The following ADAM7 variants were observed in gnomAD, a reference collection of about 807,000 sequenced individuals.
The protein encoded by ADAM7 is ADAM metallopeptidase domain 7.
In ADAM7, 97 loss-of-function variants were observed where a neutral mutation model predicts 102.9. The ratio of observed to expected loss-of-function variants is 0.94; its 90% confidence interval spans 0.80 to 1.12. The LOEUF (loss-of-function observed/expected upper bound fraction) is 1.12, where lower values mean the gene tolerates loss of function less well. Among genes scored for constraint, ADAM7 ranks in the 50% most tolerant of loss-of-function variants. The probability of loss-of-function intolerance (pLI) is 0.00; values close to 1 mark genes in which losing one functional copy is unlikely to be tolerated. For missense variants in ADAM7, 991 were observed against 908.7 expected (o/e 1.09, Z -1.16); for synonymous variants, 334 against 304.4 (o/e 1.10, Z -1.01).
chr8:24,445,847 T>C (rs1402021687), intron 2 of ADAM7, among the ~76,000 whole-genome samples: 1 of 152,202 alleles, frequency 6.6e-6, no homozygotes, highest in Non-Finnish European at 1.5e-5. Flanking sequence ...CCTCTGTCTG[T>C]TCTTCAAATG....
At chr8:24,482,340 C>A (rs147421261) in intron 9 of ADAM7, 29 bp downstream of exon 9, 3 of 1,571,142 alleles carry the variant, frequency 1.9e-6, no homozygotes, top group African/African-American at 2.8e-5. Flanking sequence ...TTCTTGCATA[C>A]CTTTGGTGGA....
chr8:24,495,746 G>A (rs777315300), intron 16 of ADAM7, among the ~76,000 whole-genome samples: 14 of 152,162 alleles, frequency 9.2e-5, no homozygotes, highest in Non-Finnish European at 2.1e-4. Flanking sequence ...AGGGTATCTG[G>A]TGGAAGAAAT....
intron 3 of ADAM7, among the ~76,000 whole-genome samples, chr8:24,457,863 A>T (rs1907753): frequency 0.21 from 31,046 of 148,030 alleles, 3,845 homozygotes; most frequent in Middle Eastern, 0.35. Context: ...TATGTGTGTG[A>T]GTGTGTGTGT....
At chr8:24,473,094 A>G (rs943058992) in intron 7 of ADAM7, among the ~76,000 whole-genome samples, 2 of 152,170 alleles carry the variant, frequency 1.3e-5, no homozygotes, top group Non-Finnish European at 2.9e-5. Flanking sequence ...AGACACCAGG[A>G]GCCTCAGATT....
chr8:24,479,469 T>A (rs144156559), intron 8 of ADAM7, among the ~76,000 whole-genome samples: 343 of 152,274 alleles, frequency 2.3e-3, no homozygotes, highest in African/African-American at 7.2e-3. Context: ...AGTTTAAAGC[T>A]TTTGTTCCTT....
Position 24,500,790 on chromosome 8 carries a change from A to T in ADAM7, c.2003A>T (p.Asn668Ile), listed in dbSNP as rs372759257. ...AAGCCCATGTTTCTTCATGTTGCAG[A>T]TATCACCATCTTGGTTGTTGTGCTT... ...VACEETLHVT[N>I]ITILVVVLVL... Residue 668 changes from asparagine (N) to isoleucine (I), a missense_variant and splice_region_variant, in exon 19 of 22, where the codon AAT becomes ATT. Coordinates refer to ENST00000175238, the MANE Select transcript of ADAM7 (RefSeq NM_003817.4). 2 of 1,612,170 alleles carry T rather than the reference A, an allele frequency of 1.2e-6. No individual in the cohort carries two copies. Among genetic ancestry groups the T allele is most frequent in the East Asian group, 2.2e-5 (1 of 44,792 alleles).
intron 18 of ADAM7, among the ~76,000 whole-genome samples, chr8:24,500,457 T>C (rs1287202753): frequency 6.6e-6 from 1 of 152,200 alleles, no homozygotes; most frequent in Non-Finnish European, 1.5e-5. Context: ...CAATGTAGTC[T>C]CTTCTAGCTA....
intron 7 of ADAM7, among the ~76,000 whole-genome samples, chr8:24,471,874 C>T (rs888717743): frequency 2.0e-5 from 3 of 151,672 alleles, no homozygotes; most frequent in Non-Finnish European, 4.4e-5. Context: ...GTTAGAAAGT[C>T]TCAAATTGAA....
intron 10 of ADAM7, among the ~76,000 whole-genome samples, chr8:24,486,362 G>A (rs548715267): frequency 1.3e-5 from 2 of 152,268 alleles, no homozygotes; most frequent in Non-Finnish European, 2.9e-5. Flanking sequence ...TGACATTTAA[G>A]TTTTTCCCAT....
rs7836859 is a variant in ADAM7 at position 24,491,932 on chromosome 8, G to A, written c.1386G>A (p.Pro462=). The part of the protein sequence containing the change: ...QIKKAGSICR[P]AKDECDFPEM... ...AAAAAGCAGGGTCCATATGCAGACC[G>A]GCGAAAGATGAATGTGATTTTCCTG... The change falls in exon 14 of 22, where the codon CCG becomes CCA. Residue 462 remains proline (P), a synonymous_variant. Coordinates refer to ENST00000175238, the MANE Select transcript of ADAM7 (RefSeq NM_003817.4). 3.5e-5 allele frequency: 56 copies of A among 1,612,674 alleles called. No homozygotes were observed. The African/African-American group carries it at 5.9e-4, about 17-fold the overall frequency.
chr8:24,505,769 A>T (rs1820930002), intron 20 of ADAM7, among the ~76,000 whole-genome samples: 1 of 152,152 alleles, frequency 6.6e-6, no homozygotes. Context: ...AACTTAATTT[A>T]GGAATTTTTG....
intron 2 of ADAM7, among the ~76,000 whole-genome samples, chr8:24,444,146 A>G (rs1288489471): frequency 1.3e-5 from 2 of 150,870 alleles, no homozygotes; most frequent in Non-Finnish European, 3.0e-5. Flanking sequence ...AGAGCTCCCG[A>G]TGGCCAAAGC....
chr8:24,501,419 A>G, intron 19 of ADAM7, 58 bp from the exon 20 acceptor site: 1 of 1,287,406 alleles, frequency 7.8e-7, no homozygotes, highest in Non-Finnish European at 1.1e-6. Flanking sequence ...ATGAAGAAAT[A>G]AATAACCTGA....
At position 24,493,244 on chromosome 8, in the gene ADAM7, C is replaced by T. The variant is rs778934579; in HGVS notation, c.1842+15C>T. The stretch of plus-strand genomic sequence containing the variant: ...GAGAGGGAATGGTAAGACAAAAGCC[C>T]TTTGTTTTATTAAAACTTCTTAGTT... On this transcript the variant is annotated intron_variant, in intron 16 of 21. Transcript: ENST00000175238. The T allele has an allele frequency of 1.0e-5, 16 of 1,564,306 alleles. No homozygotes were observed. Among genetic ancestry groups the T allele is most frequent in the African/African-American group, 1.4e-5 (1 of 72,160 alleles).
chr8:24,442,955 T>C (rs573422276), intron 2 of ADAM7, among the ~76,000 whole-genome samples: 1 of 152,148 alleles, frequency 6.6e-6, no homozygotes, highest in Non-Finnish European at 1.5e-5. Context: ...GATGTGCAAC[T>C]TTCAGAGGAA....
chr8:24,467,146 A>T, intron 6 of ADAM7, 158 bp downstream of exon 6: 2 of 674,916 alleles, frequency 3.0e-6, no homozygotes, highest in Non-Finnish European at 5.0e-6. Context: ...TTTCTTGTCT[A>T]TGTAAAAAGT....
chr8:24,459,038 T>C (rs1233477289), intron 3 of ADAM7, among the ~76,000 whole-genome samples: 2 of 152,018 alleles, frequency 1.3e-5, no homozygotes, highest in Admixed American at 1.3e-4. Context: ...TAGATTATGT[T>C]GTGCTTCTGA....
intron 3 of ADAM7, among the ~76,000 whole-genome samples, chr8:24,456,017 C>G (rs145386191): frequency 2.0e-5 from 3 of 152,104 alleles, no homozygotes; most frequent in Admixed American, 2.0e-4. Flanking sequence ...TTTACTCTCA[C>G]TATTATTAAG....
chr8:24,496,348 G>A (rs1820552455), intron 16 of ADAM7, among the ~76,000 whole-genome samples: 1 of 152,232 alleles, frequency 6.6e-6, no homozygotes, highest in Non-Finnish European at 1.5e-5. Context: ...CTAGGGCAGT[G>A]TAGATGAGAA....
Sources: allele counts gnomAD v4.1 joint callset (sites outside exome capture counted in the v4.1 genomes callset), GRCh38; gene constraint gnomAD v4.1.1; transcripts MANE v1.5; gene names NCBI Gene and HGNC (gene_info 2026-07-23, HGNC 2026-07-21).